The following CADM2 variants were observed in gnomAD, a reference collection of about 807,000 sequenced individuals.
The protein encoded by CADM2 is immunoglobulin superfamily member 4D.
In CADM2, 12 loss-of-function variants were observed where a neutral mutation model predicts 49.8. The observed-to-expected ratio is 0.24, with a 90% CI of 0.15 to 0.39. The LOEUF (loss-of-function observed/expected upper bound fraction) is 0.39. Ranked by LOEUF, CADM2 falls within the 10% of genes least tolerant of loss-of-function variation. The pLI, the probability that CADM2 is intolerant of heterozygous loss-of-function variation, is 1.00. For synonymous variants in CADM2, 214 were observed against 175.4 expected, an observed-to-expected ratio of 1.22 and a Z score of -1.74; for missense variants, 378 against 492.3, an observed-to-expected ratio of 0.77 and a Z score of 2.20.
At chr3:85,304,646 G>A (rs2044172993) in intron 1 of CADM2, among the ~76,000 whole-genome samples, 1 of 151,702 alleles carries the variant, frequency 6.6e-6, no homozygotes, top group South Asian at 2.1e-4. Context: ...TCTTTTGACT[G>A]GACATACGTT....
chr3:85,486,307 A>C (rs1214207114), intron 1 of CADM2, among the ~76,000 whole-genome samples: 2 of 133,912 alleles, frequency 1.5e-5, no homozygotes, highest in Admixed American at 7.8e-5. Context: ...TTTAGGGGGA[A>C]CAATAGAAAT....
chr3:85,419,310 T>C (rs1396726149), intron 1 of CADM2, among the ~76,000 whole-genome samples: 3 of 151,100 alleles, frequency 2.0e-5, no homozygotes, highest in Non-Finnish European at 4.4e-5. Flanking sequence ...AAAAAAAAAT[T>C]AGCTGGGCGT....
intron 1 of CADM2, among the ~76,000 whole-genome samples, chr3:85,546,256 C>G (rs1165796326): frequency 3.3e-5 from 5 of 152,154 alleles, no homozygotes; most frequent in Non-Finnish European, 7.3e-5. Flanking sequence ...AGACCTCTTT[C>G]ATTTTTTAAG....
At chr3:85,940,998 G>A (rs796994475) in intron 7 of CADM2, among the ~76,000 whole-genome samples, 1 of 151,950 alleles carries the variant, frequency 6.6e-6, no homozygotes, top group South Asian at 2.1e-4. Flanking sequence ...TGTAATCAAT[G>A]TACCTACACT....
chr3:85,775,807 C>T (rs2070332415), intron 2 of CADM2, among the ~76,000 whole-genome samples: 1 of 151,806 alleles, frequency 6.6e-6, no homozygotes, highest in Non-Finnish European at 1.5e-5. Context: ...TGCTCCAACC[C>T]AGAGATTCTA....
At chr3:85,405,399 G>A (rs2035321647) in intron 1 of CADM2, among the ~76,000 whole-genome samples, 1 of 152,070 alleles carries the variant, frequency 6.6e-6, no homozygotes, top group South Asian at 2.1e-4. Context: ...CACACTGCAG[G>A]AGAGATTGAG....
At position 85,826,213 on chromosome 3, in the gene CADM2, T is replaced by A. The variant is rs115740106; in HGVS notation, c.238+24017T>A. Reference sequence around the variant, plus strand: ...TCAAGTACATTATCAATCACTTTACTTGGAGCATTCTGCGATACCAATGAG... The same window carrying A: ...TCAAGTACATTATCAATCACTTTACATGGAGCATTCTGCGATACCAATGAG... On this transcript the variant is annotated intron_variant, in intron 3 of 9. Coordinates refer to ENST00000383699, the MANE Select transcript of CADM2 (RefSeq NM_001167675.2). 8.6e-3 allele frequency among the ~76,000 whole-genome samples: 1,307 copies of A among 152,122 alleles called. 14 individuals carry two copies. The highest frequency in any genetic ancestry group is 0.041 in the Middle Eastern group (12 of 292).
At chr3:85,807,538 A>G (rs1040503506) in intron 3 of CADM2, among the ~76,000 whole-genome samples, 1 of 151,864 alleles carries the variant, frequency 6.6e-6, no homozygotes, top group South Asian at 2.1e-4. Flanking sequence ...ACAGAAGAAT[A>G]TATTATAATC....
chr3:85,857,065 G>A (rs2075344111), intron 3 of CADM2, among the ~76,000 whole-genome samples: 1 of 152,180 alleles, frequency 6.6e-6, no homozygotes, highest in Non-Finnish European at 1.5e-5. Context: ...TTCTAGTGAT[G>A]TTCTCTTTCA....
intron 1 of CADM2, among the ~76,000 whole-genome samples, chr3:85,350,834 A>C (rs1317087242): frequency 1.3e-5 from 2 of 152,160 alleles, no homozygotes; most frequent in Non-Finnish European, 2.9e-5. Flanking sequence ...TGAATTTTGA[A>C]AGATGAAATT....
chr3:85,389,035 G>A (rs534309372), intron 1 of CADM2, among the ~76,000 whole-genome samples: 4 of 152,184 alleles, frequency 2.6e-5, no homozygotes, highest in African/African-American at 9.6e-5. Flanking sequence ...AGGACATTGT[G>A]GGTATCTTAT....
intron 1 of CADM2, among the ~76,000 whole-genome samples, chr3:85,262,499 A>G (rs1335571720): frequency 6.6e-6 from 1 of 152,124 alleles, no homozygotes; most frequent in Non-Finnish European, 1.5e-5. Context: ...TCTTGAAAAA[A>G]TTCATAATAA....
chr3:85,876,189 T>C (rs555944217), intron 3 of CADM2, among the ~76,000 whole-genome samples: 1 of 152,312 alleles, frequency 6.6e-6, no homozygotes, highest in South Asian at 2.1e-4. Flanking sequence ...TGTTATACAT[T>C]GAGAATTACA....
chr3:85,592,993 G>T (rs772155354), intron 1 of CADM2, among the ~76,000 whole-genome samples: 3 of 151,752 alleles, frequency 2.0e-5, no homozygotes, highest in South Asian at 4.1e-4. Flanking sequence ...ATTTTAAAGG[G>T]ACTCCAAAGA....
intron 1 of CADM2, among the ~76,000 whole-genome samples, chr3:85,052,732 T>A (rs977076238): frequency 2.6e-5 from 4 of 152,108 alleles, no homozygotes; most frequent in African/African-American, 9.6e-5. Context: ...TAACTTGTAA[T>A]TTTAAAACCA....
intron 1 of CADM2, among the ~76,000 whole-genome samples, chr3:85,474,531 T>C (rs760080392): frequency 1.3e-5 from 2 of 152,074 alleles, no homozygotes; most frequent in Non-Finnish European, 2.9e-5. Flanking sequence ...CTGGGCCCCA[T>C]GGTGCAGCCA....
At chr3:86,019,646 A>G (rs1732850954) in intron 8 of CADM2, among the ~76,000 whole-genome samples, 1 of 151,966 alleles carries the variant, frequency 6.6e-6, no homozygotes, top group African/African-American at 2.4e-5. Context: ...AGCAATTGTG[A>G]ATGGGAGTTT....
intron 1 of CADM2, among the ~76,000 whole-genome samples, chr3:85,613,176 AAG>A (rs1456794003): frequency 2.0e-5 from 3 of 151,844 alleles, no homozygotes; most frequent in African/African-American, 7.2e-5. Context: ...TGAGAATACA[AAG>A]AGAATATTAA....
intron 1 of CADM2, among the ~76,000 whole-genome samples, chr3:85,177,737 G>A (rs1379529053): frequency 6.6e-6 from 1 of 151,746 alleles, no homozygotes; most frequent in East Asian, 1.9e-4. Context: ...AACATAAAAA[G>A]TAAAAAGATG....
Sources: allele counts gnomAD v4.1 joint callset (sites outside exome capture counted in the v4.1 genomes callset), GRCh38; gene constraint gnomAD v4.1.1; transcripts MANE v1.5; gene names NCBI Gene and HGNC (gene_info 2026-07-23, HGNC 2026-07-21).